Variants in ECH1 observed in about 807,000 individuals in gnomAD.
The protein encoded by ECH1 is delta(3,5)-Delta(2,4)-dienoyl-CoA isomerase, mitochondrial.
ECH1 carries 30 observed loss-of-function variants against 37.0 expected under a neutral mutation model. The ratio of observed to expected loss-of-function variants is 0.81; its 90% CI spans 0.61 to 1.10. The LOEUF is 1.10. Among genes scored for constraint, ECH1 ranks in the 50% least tolerant of loss-of-function variants. ECH1 has a pLI of 0.00. For missense variants in ECH1, 456 were observed against 441.6 expected (o/e 1.03, Z -0.29); for synonymous variants, 178 against 176.0 (o/e 1.01, Z -0.09).
intron 3 of ECH1, 139 bp from the exon 4 acceptor site, chr19:38,817,714 G>T (rs889166031): frequency 2.0e-5 from 28 of 1,422,666 alleles, no homozygotes; most frequent in Non-Finnish European, 2.6e-5. Flanking sequence ...ACAGGACTTG[G>T]TGAGGGATTG....
chr19:38,831,622 ACTCGGGCC>A (rs1235978694), intron 1 of ECH1, 91 bp downstream of exon 1: 2 of 1,569,706 alleles, frequency 1.3e-6, no homozygotes, highest in Admixed American at 3.7e-5. Flanking sequence ...AATTTAGGGG[ACTCGGGCC>A]CTTCGTGACC....
chr19:38,830,139 G>A (rs190269330), intron 3 of ECH1, among the ~76,000 whole-genome samples: 90 of 152,254 alleles, frequency 5.9e-4, no homozygotes, highest in African/African-American at 2.0e-3. Flanking sequence ...GCAAAACTCC[G>A]TCTGAAACAA....
At chr19:38,816,897 C>T in intron 6 of ECH1, 168 bp downstream of exon 6, 1 of 793,496 alleles carries the variant, frequency 1.3e-6, no homozygotes. Context: ...TCAACCCCAC[C>T]TCATACCTTA....
chr19:38,821,345 T>G (rs1433388434), intron 3 of ECH1, among the ~76,000 whole-genome samples: 1 of 151,814 alleles, frequency 6.6e-6, no homozygotes, highest in Non-Finnish European at 1.5e-5. Context: ...AAGTGAGAGG[T>G]GACAGCATGC....
At chr19:38,827,234 G>A (rs1971752564) in intron 3 of ECH1, among the ~76,000 whole-genome samples, 1 of 152,188 alleles carries the variant, frequency 6.6e-6, no homozygotes, top group Non-Finnish European at 1.5e-5. Flanking sequence ...GGAACGCCAT[G>A]ACAACAGGGC....
chr19:38,817,739 G>T, intron 3 of ECH1, 164 bp from the exon 4 acceptor site: 1 of 985,316 alleles, frequency 1.0e-6, no homozygotes, highest in African/African-American at 1.7e-5. Context: ...CATGTTGGGT[G>T]GGAAGGAAAT....
intron 3 of ECH1, among the ~76,000 whole-genome samples, chr19:38,830,643 T>C (rs1318159818): frequency 1.4e-5 from 2 of 146,884 alleles, no homozygotes; most frequent in East Asian, 1.9e-4. Flanking sequence ...GAGAAAGATA[T>C]TGTCTCCAAA....
intron 3 of ECH1, among the ~76,000 whole-genome samples, chr19:38,829,802 C>A (rs1370546434): frequency 6.7e-6 from 1 of 149,190 alleles, no homozygotes; most frequent in Non-Finnish European, 1.5e-5. Context: ...GGTGACAGAG[C>A]GACTCTGTCT....
intron 3 of ECH1, among the ~76,000 whole-genome samples, chr19:38,821,756 G>A (rs938154299): frequency 3.3e-5 from 5 of 152,196 alleles, no homozygotes; most frequent in Non-Finnish European, 7.4e-5. Flanking sequence ...GGGACCTGCA[G>A]CCTGCCATGC....
chr19:38,828,954 T>C (rs1971777198), intron 3 of ECH1, among the ~76,000 whole-genome samples: 1 of 149,942 alleles, frequency 6.7e-6, no homozygotes, highest in Non-Finnish European at 1.5e-5. Context: ...TCATTATAAC[T>C]ATGCTCAATG....
intron 3 of ECH1, 55 bp downstream of exon 3, chr19:38,831,023 T>C (rs1971811328): frequency 1.3e-6 from 2 of 1,517,574 alleles, no homozygotes; most frequent in African/African-American, 1.4e-5. Context: ...ACTGCTCCAC[T>C]GTCTATTGCC....
intron 3 of ECH1, among the ~76,000 whole-genome samples, chr19:38,828,709 A>G (rs1971773020): frequency 6.6e-6 from 1 of 151,414 alleles, no homozygotes. Context: ...TCTGCCTCCC[A>G]GGTTCACGCC....
intron 3 of ECH1, among the ~76,000 whole-genome samples, chr19:38,825,582 T>TCTATAATAGGGACCAAGAGGAACAGG (rs1971727318): frequency 6.6e-6 from 1 of 152,184 alleles, no homozygotes; most frequent in Non-Finnish European, 1.5e-5. Context: ...ACCTCAGTGT[T>TCTATAATAGGGACCAAGAGGAACAGG]CTATAATAGG....
intron 3 of ECH1, among the ~76,000 whole-genome samples, chr19:38,819,498 T>A (rs1451085893): frequency 6.6e-6 from 1 of 151,980 alleles, no homozygotes. Flanking sequence ...CTTTCTAGAA[T>A]GTGAGCTCTG....
At chr19:38,819,008 T>TGTGTGTGTGTGTGTGTGTGCGCGC (rs371773394) in intron 3 of ECH1, 3 of 324,272 alleles carry the variant, frequency 9.3e-6, no homozygotes, top group African/African-American at 7.1e-5. Context: ...TGTGTGTGTG[T>TGTGTGTGTGTGTGTGTGTGCGCGC]GCGGGCACGT....
intron 3 of ECH1, among the ~76,000 whole-genome samples, chr19:38,821,364 C>T (rs1600017957): frequency 6.6e-6 from 1 of 152,352 alleles, no homozygotes; most frequent in East Asian, 1.9e-4. Context: ...GCTGGCAGCC[C>T]TTGCTCGCTG....
Position 38,830,836 on chromosome 19 carries a change from G to C in ECH1, c.349+242C>G, listed in dbSNP as rs537579018. The C allele has an allele frequency of 2.3e-4, 122 of 520,636 alleles. No homozygotes were observed. The East Asian group carries it at 3.6e-3, about 15-fold the overall frequency. 32.3% of individuals were successfully genotyped at this position (520,636 alleles called of 1,614,324 possible). A position where few individuals can be genotyped will look rare whatever the true frequency, so the allele number is the denominator to read the frequency against. ...AAAAATACAAAAATTAGCTGGGTGT[G>C]GTGGCCCACGCCTGTAGTCCCAGAC... is the stretch of plus-strand genomic sequence containing the variant. On this transcript the variant is annotated intron_variant, in intron 3 of 9. Transcript: ENST00000221418.
rs553537242 is a variant in ECH1 at position 38,825,601 on chromosome 19, G to A, written c.349+5477C>T. On this transcript the variant is annotated intron_variant, in intron 3 of 9. Transcript: ENST00000221418. The stretch of plus-strand genomic sequence containing the variant: ...CAGTGTTCTATAATAGGGACCAAGA[G>A]GAACAGGCCCAAAAGGAAAAGTGAG... Among the ~76,000 whole-genome samples, 3 of 152,286 alleles carry A rather than the reference G, an allele frequency of 2.0e-5. No homozygotes were observed. The East Asian group carries it at 5.8e-4, about 29-fold the overall frequency.
At position 38,815,492 on chromosome 19, in the gene ECH1, G is replaced by C; in HGVS notation, c.*121C>G. 2 of 932,142 alleles carry C rather than the reference G, an allele frequency of 2.1e-6. No homozygotes were observed. Among genetic ancestry groups the C allele is most frequent in the Non-Finnish European group, 3.3e-6 (2 of 599,440 alleles). The allele number at this position is 932,142 out of a possible 1,614,324, so 57.7% of individuals were successfully genotyped here. On this transcript the variant is annotated 3_prime_UTR_variant, in exon 10 of 10. Coordinates refer to ENST00000221418, the MANE Select transcript of ECH1 (RefSeq NM_001398.3). ...GGCTTGAGAAACTCATTGTCATAAA[G>C]TTATAAACTGGGAAACTGGGTCAGA...
Sources: gnomAD v4.1 joint callset for allele counts (sites outside exome capture counted in the v4.1 genomes callset) on GRCh38, gnomAD v4.1.1 for gene constraint, MANE v1.5 for transcripts, NCBI Gene and HGNC (gene_info 2026-07-23, HGNC 2026-07-21) for gene names.